The following SNRPN variants were observed in gnomAD, a reference collection of about 807,000 sequenced individuals.
The protein encoded by SNRPN is small nuclear ribonucleoprotein polypeptide N, also known as small nuclear ribonucleoprotein-associated protein N.
A neutral mutation model predicts 25.2 loss-of-function variants in SNRPN; 7 were observed. That is an observed-to-expected ratio of 0.28 (90% CI 0.16 to 0.52). SNRPN has a LOEUF of 0.52. SNRPN is among the 20% of genes least tolerant of loss of function. The pLI is 0.96. For missense variants in SNRPN, 196 were observed against 322.5 expected, an observed-to-expected ratio of 0.61 and a Z score of 3.00; for synonymous variants, 124 against 110.6, an observed-to-expected ratio of 1.12 and a Z score of -0.76.
At chr15:24,939,946 T>C (rs1019348119) in intron 3 of SNRPN, among the ~76,000 whole-genome samples, 6 of 152,002 alleles carry the variant, frequency 3.9e-5, no homozygotes, top group Non-Finnish European at 7.4e-5. Flanking sequence ...TGTACCACCA[T>C]GCCCAGCTAA....
At chr15:24,931,550 C>G (rs1402344311) in intron 3 of SNRPN, among the ~76,000 whole-genome samples, 7 of 151,480 alleles carry the variant, frequency 4.6e-5, no homozygotes. Context: ...ACATCAAGAC[C>G]TAGGCTGGGC....
upstream of SNRPN, among the ~76,000 whole-genome samples, chr15:24,854,469 G>T (rs2053196233): frequency 6.6e-6 from 1 of 152,162 alleles, no homozygotes; most frequent in African/African-American, 2.4e-5. Context: ...ATTAGGTTTG[G>T]AATACAACTT....
chr15:24,955,044 A>G lies in SNRPN; in HGVS notation c.-409A>G, dbSNP rs1453722928. On this transcript the variant is annotated 5_prime_UTR_variant, in exon 1 of 10. Coordinates refer to ENST00000390687, the MANE Select transcript of SNRPN (RefSeq NM_003097.6). Reference sequence around the variant, plus strand: ...GCATCTGTCTGAGGAGCGGTCAGTGACGCGATGGAGCGGGCAAGGTCAGCT... The same window carrying G: ...GCATCTGTCTGAGGAGCGGTCAGTGGCGCGATGGAGCGGGCAAGGTCAGCT... The G allele has an allele frequency of 6.2e-7, 1 of 1,613,276 alleles. No homozygotes were observed. Among genetic ancestry groups the G allele is most frequent in the Non-Finnish European group, 8.5e-7 (1 of 1,180,000 alleles).
chr15:24,902,027 T>C (rs949863229), intron 2 of SNRPN, among the ~76,000 whole-genome samples: 9 of 152,216 alleles, frequency 5.9e-5, no homozygotes, highest in Non-Finnish European at 1.3e-4. Flanking sequence ...GATCTAATAT[T>C]ATTTTTGGAC....
At chr15:24,851,145 T>G (rs1377955777) in intron 2 of SNRPN, 1 of 152,124 alleles carries the variant, frequency 6.6e-6, no homozygotes, top group African/African-American at 2.4e-5. Context: ...GGGGGGAAGT[T>G]TTAGAGATTC....
intron 3 of SNRPN, among the ~76,000 whole-genome samples, chr15:24,973,816 C>T (rs542170036): frequency 2.6e-5 from 4 of 152,278 alleles, no homozygotes; most frequent in Non-Finnish European, 5.9e-5. Flanking sequence ...AAGTCTTAGG[C>T]AGGTTTATAA....
chr15:24,925,586 C>A (rs948460913), intron 3 of SNRPN, among the ~76,000 whole-genome samples: 4 of 152,070 alleles, frequency 2.6e-5, no homozygotes, highest in Admixed American at 2.6e-4. Flanking sequence ...TCCTCCTTTT[C>A]TTTTTTATAA....
upstream of SNRPN, among the ~76,000 whole-genome samples, chr15:24,853,495 G>C (rs543679196): frequency 6.6e-6 from 1 of 151,756 alleles, no homozygotes; most frequent in Non-Finnish European, 1.5e-5. Context: ...CCAGGTTCAC[G>C]CCATTCTCCT....
intron 2 of SNRPN, chr15:24,909,632 A>G: frequency 8.2e-7 from 1 of 1,226,244 alleles, no homozygotes; most frequent in Admixed American, 1.7e-5. Flanking sequence ...GGCATAAGCA[A>G]TCTGACAAAT....
intron 2 of SNRPN, among the ~76,000 whole-genome samples, chr15:24,903,338 A>G (rs1423357841): frequency 6.6e-6 from 1 of 152,214 alleles, no homozygotes; most frequent in Non-Finnish European, 1.5e-5. Flanking sequence ...TTGGTTTCCC[A>G]GTGTCTGAAA....
At chr15:24,960,213 C>T (rs1484583408) in intron 1 of SNRPN, among the ~76,000 whole-genome samples, 3 of 152,118 alleles carry the variant, frequency 2.0e-5, no homozygotes, top group African/African-American at 7.2e-5. Flanking sequence ...GAGTTAGTGT[C>T]ATATGTTACT....
chr15:24,954,993 T>C lies in SNRPN; in HGVS notation c.-460T>C, dbSNP rs1053043578. 16 of 1,609,412 alleles carry C rather than the reference T, an allele frequency of 9.9e-6. No homozygotes were observed. The highest frequency in any genetic ancestry group is 1.3e-5 in the African/African-American group (1 of 74,820). On this transcript the variant is annotated 5_prime_UTR_variant, in exon 1 of 10. Coordinates refer to ENST00000390687, the MANE Select transcript of SNRPN (RefSeq NM_003097.6). ...CTGCTGCAGCGAGTCTGGCGCAGAG[T>C]GGAGCGGCCGCCGGAGATGCCTGAC... is the stretch of plus-strand genomic sequence containing the variant.
intron 1 of SNRPN, among the ~76,000 whole-genome samples, chr15:24,862,493 A>T (rs1269354336): frequency 6.6e-6 from 1 of 150,922 alleles, no homozygotes; most frequent in Non-Finnish European, 1.5e-5. Context: ...GTGTCTAGGG[A>T]AGTAGGCAAG....
intron 3 of SNRPN, among the ~76,000 whole-genome samples, chr15:24,923,075 T>A (rs1243513016): frequency 6.6e-6 from 1 of 151,832 alleles, no homozygotes; most frequent in Non-Finnish European, 1.5e-5. Flanking sequence ...CCAGCTAATT[T>A]TTGTATTTTT....
intron 2 of SNRPN, among the ~76,000 whole-genome samples, chr15:24,832,979 C>T (rs1325179002): frequency 6.6e-6 from 1 of 151,702 alleles, no homozygotes; most frequent in Non-Finnish European, 1.5e-5. Context: ...GTGGCAGGCG[C>T]CTGCAGTCCC....
intron 7 of SNRPN, 106 bp downstream of exon 7, chr15:24,977,135 T>G: frequency 1.1e-6 from 1 of 907,374 alleles, no homozygotes; most frequent in Non-Finnish European, 1.6e-6. Context: ...GTAAACAGCA[T>G]ATGGTTTAGG....
intron 2 of SNRPN, among the ~76,000 whole-genome samples, chr15:24,839,056 G>A (rs1025233889): frequency 6.6e-5 from 10 of 151,992 alleles, no homozygotes; most frequent in African/African-American, 2.2e-4. Context: ...CAGCTACCTG[G>A]TCCACCTCCA....
At chr15:24,950,322 G>A (rs1312439355), upstream of SNRPN, among the ~76,000 whole-genome samples, 2 of 151,648 alleles carry the variant, frequency 1.3e-5, no homozygotes, top group Non-Finnish European at 1.5e-5. Context: ...GACTACAGGT[G>A]CGTGCCCTCA....
chr15:24,941,769 T>TTATG (rs2061570950), intron 3 of SNRPN, among the ~76,000 whole-genome samples: 2 of 151,816 alleles, frequency 1.3e-5, no homozygotes, highest in Admixed American at 1.3e-4. Context: ...TTTTTTGTTT[T>TTATG]TATTTATTTA....
Sources: gnomAD v4.1 joint callset for allele counts (sites outside exome capture counted in the v4.1 genomes callset) on GRCh38, gnomAD v4.1.1 for gene constraint, MANE v1.5 for transcripts, NCBI Gene and HGNC (gene_info 2026-07-23, HGNC 2026-07-21) for gene names.